Variants in BCR observed in about 807,000 individuals in gnomAD.
BCR encodes the protein BCR activator of RhoGEF and GTPase.
A neutral mutation model predicts 138.6 loss-of-function variants in BCR; 58 were observed. The ratio of observed to expected loss-of-function variants is 0.42; its 90% CI spans 0.34 to 0.52. The LOEUF is 0.52. BCR is among the 20% of genes least tolerant of loss of function. The pLI, the probability that BCR is intolerant of heterozygous loss-of-function variation, is 0.06. For missense variants in BCR, 1,599 were observed against 1,727.2 expected, an observed-to-expected ratio of 0.93 and a Z score of 1.32; for synonymous variants, 786 against 730.1, an observed-to-expected ratio of 1.08 and a Z score of -1.23.
intron 1 of BCR, among the ~76,000 whole-genome samples, chr22:23,211,833 C>T (rs1467633545): frequency 6.6e-6 from 1 of 152,154 alleles, no homozygotes; most frequent in African/African-American, 2.4e-5. Context: ...ACATCTCACC[C>T]TCCAGGGGTA....
At chr22:23,286,781 G>A (rs1009805584) in intron 10 of BCR, among the ~76,000 whole-genome samples, 1 of 152,196 alleles carries the variant, frequency 6.6e-6, no homozygotes. Context: ...AACCTAGTTG[G>A]ATTAGGAAGA....
chr22:23,282,324 G>T (rs529075328), intron 8 of BCR, among the ~76,000 whole-genome samples: 1 of 152,372 alleles, frequency 6.6e-6, no homozygotes, highest in East Asian at 1.9e-4. Flanking sequence ...TCTGCCCTCG[G>T]CAGGCGGGGT....
intron 1 of BCR, among the ~76,000 whole-genome samples, chr22:23,200,261 T>A (rs957130188): frequency 7.2e-5 from 11 of 152,132 alleles, no homozygotes; most frequent in African/African-American, 2.7e-4. Context: ...GGTCTGGTGG[T>A]CTGTCCCTGA....
chr22:23,310,549 G>A (rs1476870779), intron 18 of BCR, 116 bp downstream of exon 18: 8 of 661,178 alleles, frequency 1.2e-5, no homozygotes, highest in Admixed American at 1.1e-4. Flanking sequence ...GCACGGTGAG[G>A]TCAGGCCCCA....
chr22:23,312,740 G>A, intron 19 of BCR, 147 bp from the exon 20 acceptor site: 1 of 671,526 alleles, frequency 1.5e-6, no homozygotes, highest in South Asian at 1.7e-5. Flanking sequence ...CACAGCTCTT[G>A]GGAGGAGTCA....
At chr22:23,247,421 A>C (rs956584256) in intron 1 of BCR, among the ~76,000 whole-genome samples, 1 of 152,148 alleles carries the variant, frequency 6.6e-6, no homozygotes, top group Non-Finnish European at 1.5e-5. Context: ...AATTCCTCCC[A>C]GTGCCCCTTT....
chr22:23,266,794 A>C (rs1476537275), intron 4 of BCR, among the ~76,000 whole-genome samples: 1 of 152,234 alleles, frequency 6.6e-6, no homozygotes, highest in Non-Finnish European at 1.5e-5. Flanking sequence ...TGTGCTTCTC[A>C]GTGCATCAGA....
At chr22:23,215,198 A>G (rs2072738410) in intron 1 of BCR, among the ~76,000 whole-genome samples, 2 of 152,254 alleles carry the variant, frequency 1.3e-5, no homozygotes, top group South Asian at 2.1e-4. Flanking sequence ...ATATTCCATT[A>G]TATGTCTGCA....
At chr22:23,254,791 C>T (rs967536970) in intron 2 of BCR, among the ~76,000 whole-genome samples, 1 of 152,214 alleles carries the variant, frequency 6.6e-6, no homozygotes, top group Admixed American at 6.5e-5. Context: ...ATCACTGCCC[C>T]AGGGCAGTTG....
At chr22:23,282,578 A>C (rs2073660542) in intron 8 of BCR, among the ~76,000 whole-genome samples, 1 of 152,176 alleles carries the variant, frequency 6.6e-6, no homozygotes, top group Non-Finnish European at 1.5e-5. Flanking sequence ...AATGGGGGAA[A>C]AGTTCAGAGA....
chr22:23,255,960 T>C (rs1197049830), intron 2 of BCR, among the ~76,000 whole-genome samples: 1 of 152,220 alleles, frequency 6.6e-6, no homozygotes, highest in Non-Finnish European at 1.5e-5. Flanking sequence ...TGTAGCTCCT[T>C]TCCAGAAACC....
At chr22:23,198,506 ATGT>A (rs971172322) in intron 1 of BCR, 1 of 263,226 alleles carries the variant, frequency 3.8e-6, no homozygotes, top group African/African-American at 2.4e-5. Context: ...TGGGCCTGAC[ATGT>A]TGTAGCTATG....
intron 2 of BCR, among the ~76,000 whole-genome samples, chr22:23,257,362 A>C (rs1466628350): frequency 6.6e-6 from 1 of 152,186 alleles, no homozygotes; most frequent in African/African-American, 2.4e-5. Context: ...TGGCTTTCCA[A>C]ACCATGTGGA....
At chr22:23,254,196 C>G (rs1164977009) in intron 2 of BCR, among the ~76,000 whole-genome samples, 1 of 152,014 alleles carries the variant, frequency 6.6e-6, no homozygotes, top group Non-Finnish European at 1.5e-5. Flanking sequence ...TTGAACTGAG[C>G]GTGGAGGAGG....
intron 8 of BCR, among the ~76,000 whole-genome samples, chr22:23,274,907 C>CA (rs758602402): frequency 0.085 from 7,002 of 82,782 alleles, 358 homozygotes; most frequent in Middle Eastern, 0.11. Flanking sequence ...AACTCCATCT[C>CA]AAAAAAAAAA....
At chr22:23,225,440 CT>C in intron 1 of BCR, among the ~76,000 whole-genome samples, 1 of 152,230 alleles carries the variant, frequency 6.6e-6, no homozygotes, top group Admixed American at 6.5e-5. Flanking sequence ...AGACCGCTGG[CT>C]GGAGACTGGA....
chr22:23,263,584 T>C, intron 4 of BCR: 1 of 1,549,756 alleles, frequency 6.5e-7, no homozygotes, highest in Non-Finnish European at 8.9e-7. Context: ...CGTCAGCCTC[T>C]GGGAGTCTGC....
At chr22:23,223,531 G>A (rs575816234) in intron 1 of BCR, among the ~76,000 whole-genome samples, 22 of 152,244 alleles carry the variant, frequency 1.4e-4, no homozygotes, top group Admixed American at 1.3e-3. Flanking sequence ...GTGCACAGTC[G>A]CTCCCTTCTT....
At chr22:23,304,531 G>A (rs965572842) in intron 16 of BCR, among the ~76,000 whole-genome samples, 11 of 152,266 alleles carry the variant, frequency 7.2e-5, no homozygotes, top group African/African-American at 1.7e-4. Context: ...GGTTGATGCA[G>A]CCACGAACAT....
Sources: allele counts gnomAD v4.1 joint callset (sites outside exome capture counted in the v4.1 genomes callset), GRCh38; gene constraint gnomAD v4.1.1; transcripts MANE v1.5; gene names NCBI Gene and HGNC (gene_info 2026-07-23, HGNC 2026-07-21).